The following MCC variants were observed in gnomAD, a reference collection of about 807,000 sequenced individuals.
MCC encodes the protein MCC regulator of Wnt signaling pathway, also known as colorectal mutant cancer protein.
In MCC, 90 loss-of-function variants were observed where a neutral mutation model predicts 116.2. The ratio of observed to expected loss-of-function variants is 0.77; its 90% CI spans 0.65 to 0.92. MCC has a LOEUF of 0.92. MCC is among the 40% of genes least tolerant of loss of function. MCC has a pLI of 0.00. For synonymous variants in MCC, 578 were observed against 510.5 expected (o/e 1.13, Z -1.78); for missense variants, 1,516 against 1,312.2 (o/e 1.16, Z -2.40).
At chr5:113,154,049 A>C (rs2150292992) in intron 3 of MCC, among the ~76,000 whole-genome samples, 1 of 152,386 alleles carries the variant, frequency 6.6e-6, no homozygotes. Flanking sequence ...AAATTGCAAC[A>C]GAAAAATAAA....
intron 1 of MCC, among the ~76,000 whole-genome samples, chr5:113,468,220 T>C (rs1771971224): frequency 6.6e-6 from 1 of 152,210 alleles, no homozygotes; most frequent in Non-Finnish European, 1.5e-5. Flanking sequence ...AACACTATGT[T>C]GAATAGGAGT....
intron 5 of MCC, 142 bp downstream of exon 5, chr5:113,143,074 TAC>T (rs1203024209): frequency 6.8e-6 from 6 of 876,330 alleles, no homozygotes; most frequent in Non-Finnish European, 3.3e-6. Context: ...AAGCCTTAGA[TAC>T]AAAGAAAACA....
At chr5:113,486,071 T>A (rs1772516249) in intron 1 of MCC, among the ~76,000 whole-genome samples, 3 of 152,146 alleles carry the variant, frequency 2.0e-5, no homozygotes, top group Non-Finnish European at 4.4e-5. Context: ...TCTTACCACA[T>A]AAACGTAAAT....
intron 2 of MCC, among the ~76,000 whole-genome samples, chr5:113,373,353 A>C (rs1768889515): frequency 6.6e-6 from 1 of 152,122 alleles, no homozygotes; most frequent in South Asian, 2.1e-4. Context: ...AAAAAATAAT[A>C]AAGTTTGCAC....
chr5:113,458,606 C>G (rs1771649635), intron 1 of MCC, among the ~76,000 whole-genome samples: 1 of 152,178 alleles, frequency 6.6e-6, no homozygotes, highest in African/African-American at 2.4e-5. Context: ...AACAAGGGCT[C>G]TTTTAAAAGC....
chr5:113,429,275 A>AAGAGAGAG (rs34689249), intron 1 of MCC, among the ~76,000 whole-genome samples: 2 of 149,970 alleles, frequency 1.3e-5, no homozygotes, highest in African/African-American at 4.9e-5. Flanking sequence ...AAGAGACAGA[A>AAGAGAGAG]AGAGAGAGAG....
chr5:113,156,834 GCTAA>G (rs1218743124), intron 3 of MCC, among the ~76,000 whole-genome samples: 13 of 152,304 alleles, frequency 8.5e-5, no homozygotes, highest in Admixed American at 4.6e-4. Flanking sequence ...TTGGCTGCAA[GCTAA>G]CTGTCAAAAT....
chr5:113,144,171 T>C (rs1759352835), intron 4 of MCC, among the ~76,000 whole-genome samples: 1 of 152,172 alleles, frequency 6.6e-6, no homozygotes, highest in African/African-American at 2.4e-5. Flanking sequence ...CTTCCCTTGC[T>C]CAGCATTTGA....
chr5:113,427,371 C>G (rs1051636219), intron 1 of MCC, among the ~76,000 whole-genome samples: 3 of 152,114 alleles, frequency 2.0e-5, no homozygotes, highest in African/African-American at 7.2e-5. Flanking sequence ...TGGAAAGGTC[C>G]CACTGATTTC....
At chr5:113,062,851 A>T (rs1753316669) in intron 14 of MCC, among the ~76,000 whole-genome samples, 1 of 152,184 alleles carries the variant, frequency 6.6e-6, no homozygotes, top group Admixed American at 6.5e-5. Context: ...GGCGGGTCCC[A>T]CCAGGGGAGA....
chr5:113,206,278 C>G (rs966387694), intron 3 of MCC, among the ~76,000 whole-genome samples: 1 of 152,062 alleles, frequency 6.6e-6, no homozygotes, highest in Non-Finnish European at 1.5e-5. Flanking sequence ...GGGATGTTTC[C>G]CCCTAACTGG....
At chr5:113,320,851 A>G (rs1424067518) in intron 3 of MCC, among the ~76,000 whole-genome samples, 1 of 152,234 alleles carries the variant, frequency 6.6e-6, no homozygotes, top group Non-Finnish European at 1.5e-5. Flanking sequence ...TGGAAATGTG[A>G]AGAGAGAGTT....
intron 3 of MCC, among the ~76,000 whole-genome samples, chr5:113,312,196 G>C (rs1767151565): frequency 6.6e-6 from 1 of 152,088 alleles, no homozygotes. Flanking sequence ...AGAATCACTT[G>C]AACCTGGGAG....
At chr5:113,225,002 C>T (rs564918293) in intron 3 of MCC, among the ~76,000 whole-genome samples, 21 of 152,176 alleles carry the variant, frequency 1.4e-4, no homozygotes, top group Middle Eastern at 3.4e-3. Flanking sequence ...ATCTTATACT[C>T]GGTTAAAAAT....
intron 1 of MCC, among the ~76,000 whole-genome samples, chr5:113,415,059 G>GA (rs1770103275): frequency 6.6e-6 from 1 of 152,170 alleles, no homozygotes; most frequent in Non-Finnish European, 1.5e-5. Flanking sequence ...ATTCTGGGTT[G>GA]AAAATTCTTT....
chr5:113,274,985 G>A (rs1194384165), intron 3 of MCC, among the ~76,000 whole-genome samples: 1 of 152,214 alleles, frequency 6.6e-6, no homozygotes, highest in Non-Finnish European at 1.5e-5. Flanking sequence ...CAGCATGCCA[G>A]TGAAGTGGGG....
intron 1 of MCC, among the ~76,000 whole-genome samples, chr5:113,471,762 C>T (rs934313888): frequency 8.2e-6 from 1 of 121,882 alleles, no homozygotes; most frequent in African/African-American, 3.1e-5. Context: ...TGCCCTGCCC[C>T]CAGAGAGGCA....
chr5:113,090,622 T>A (rs1755556333), intron 8 of MCC, among the ~76,000 whole-genome samples: 1 of 152,074 alleles, frequency 6.6e-6, no homozygotes, highest in Non-Finnish European at 1.5e-5. Flanking sequence ...GTCTATAATG[T>A]ATACAAAGAG....
rs111905317 is a variant in MCC, at chr5:113,110,766, A to C, written c.1028-6411T>G. On this transcript the variant is annotated intron_variant, in intron 6 of 18. Coordinates refer to ENST00000408903, the MANE Select transcript of MCC (RefSeq NM_001085377.2). Reference sequence around the variant, plus strand: ...CACCTGCAGCCAAAGATGTGCTTGCATATGGGATAGGGCTATGGTGTCTGG... The same window carrying C: ...CACCTGCAGCCAAAGATGTGCTTGCCTATGGGATAGGGCTATGGTGTCTGG... Among the ~76,000 whole-genome samples the C allele has an allele frequency of 3.3e-3, 504 of 152,352 alleles. 1 individual carries two copies. The highest frequency in any genetic ancestry group is 5.6e-3 in the Non-Finnish European group (379 of 68,034).
Sources: allele counts gnomAD v4.1 joint callset (sites outside exome capture counted in the v4.1 genomes callset), GRCh38; gene constraint gnomAD v4.1.1; transcripts MANE v1.5; gene names NCBI Gene and HGNC (gene_info 2026-07-23, HGNC 2026-07-21).